Variants in VAMP7 observed in about 807,000 individuals in gnomAD.
VAMP7 encodes vesicle associated membrane protein 7.
In VAMP7, 14 loss-of-function variants were observed where a neutral mutation model predicts 29.6. The ratio of observed to expected loss-of-function variants is 0.47; its 90% CI spans 0.31 to 0.74. The LOEUF (loss-of-function observed/expected upper bound fraction) is 0.74, where lower values mean the gene tolerates loss of function less well. Among genes scored for constraint, VAMP7 ranks in the 30% least tolerant of loss-of-function variants. The pLI, the probability that VAMP7 is intolerant of heterozygous loss-of-function variation, is 0.05. For synonymous variants in VAMP7, 95 were observed against 88.1 expected (o/e 1.08, Z -0.44); for missense variants, 223 against 262.4 (o/e 0.85, Z 1.04).
rs760627627 is a variant in VAMP7, at chrX:155,942,520, G to T, written c.*569G>T. 1.2e-4 allele frequency: 26 copies of T among 224,542 alleles called. No homozygotes were observed. The South Asian group carries it at 2.3e-3, about 19-fold the overall frequency. 13.9% of individuals were successfully genotyped at this position (224,542 alleles called of 1,614,324 possible). A position where few individuals can be genotyped will look rare whatever the true frequency, so the allele number is the denominator to read the frequency against. On this transcript the variant is annotated 3_prime_UTR_variant, in exon 8 of 8. Transcript: ENST00000286448. ...ATTTCAGTTAGATGGGGAACATTTTGCTAGCCCATTAGAAGCACACAGAAT... is the reference window on the plus strand; with the variant it reads ...ATTTCAGTTAGATGGGGAACATTTTTCTAGCCCATTAGAAGCACACAGAAT...
At chrX:155,894,804 C>T (rs1039159618) in intron 2 of VAMP7, among the ~76,000 whole-genome samples, 5 of 151,774 alleles carry the variant, frequency 3.3e-5, no homozygotes, top group South Asian at 2.1e-4. Flanking sequence ...TGTGTACAGA[C>T]GGGGTTTTGC....
chrX:155,930,790 C>T (rs1335925820), intron 6 of VAMP7, among the ~76,000 whole-genome samples: 3 of 151,046 alleles, frequency 2.0e-5, no homozygotes, highest in South Asian at 2.1e-4. Context: ...AAACATGTGC[C>T]GTGTTGGTGT....
intron 5 of VAMP7, 115 bp downstream of exon 5, chrX:155,900,702 A>C: frequency 1.2e-6 from 1 of 850,920 alleles, no homozygotes; most frequent in Non-Finnish European, 1.8e-6. Context: ...TACCATTGGA[A>C]GTTAATTGTC....
At position 155,898,099 on chromosome X, in the gene VAMP7, G is replaced by T; in HGVS notation, c.205-13G>T. ...ACTTTCTAAATGTGAGTTCTGTGTT[G>T]ATCTCTTTTCAGGATTTTGAACGTT... On this transcript the variant is annotated splice_polypyrimidine_tract_variant and intron_variant, in intron 3 of 7. Coordinates refer to ENST00000286448, the MANE Select transcript of VAMP7 (RefSeq NM_005638.6). 1 of 1,611,840 alleles carries T rather than the reference G, an allele frequency of 6.2e-7. No individual in the cohort carries two copies. The highest frequency in any genetic ancestry group is 1.1e-5 in the South Asian group (1 of 90,610).
At chrX:155,913,765 G>A (rs1460066944) in intron 5 of VAMP7, among the ~76,000 whole-genome samples, 1 of 152,078 alleles carries the variant, frequency 6.6e-6, no homozygotes, top group African/African-American at 2.4e-5. Flanking sequence ...ATGCTGTTTT[G>A]GTTACTGTAG....
intron 2 of VAMP7, 94 bp downstream of exon 2, chrX:155,889,706 A>T: frequency 7.3e-7 from 1 of 1,374,324 alleles, no homozygotes. Flanking sequence ...GCTTCTAGGT[A>T]CATAATTTGA....
chrX:155,893,658 G>A (rs2065951600), intron 2 of VAMP7, among the ~76,000 whole-genome samples: 1 of 152,172 alleles, frequency 6.6e-6, no homozygotes, highest in South Asian at 2.1e-4. Flanking sequence ...TTCTCAGGTG[G>A]TGGAAAGAGA....
intron 5 of VAMP7, among the ~76,000 whole-genome samples, chrX:155,915,558 G>A (rs1210520245): frequency 6.6e-6 from 1 of 152,108 alleles, no homozygotes; most frequent in Non-Finnish European, 1.5e-5. Context: ...ATTCTGGTAC[G>A]TTGTGTCTTT....
At position 155,915,298 on chromosome X, in the gene VAMP7, C is replaced by G. The variant is rs145405432; in HGVS notation, c.434-4515C>G. ...CTAGCAGTCTATCAATTTTGTTAAT[C>G]TTTTCAAAAAACCAGCTCCTGGATT... On this transcript the variant is annotated intron_variant, in intron 5 of 7. Transcript: ENST00000286448. Among the ~76,000 whole-genome samples the G allele has an allele frequency of 8.1e-3, 1,233 of 152,064 alleles. 23 individuals are homozygous for G. The highest frequency in any genetic ancestry group is 0.029 in the African/African-American group (1,184 of 41,496).
chrX:155,939,735 C>T lies in VAMP7; in HGVS notation c.536C>T (p.Ala179Val). The T allele has an allele frequency of 6.2e-7, 1 of 1,613,894 alleles. No homozygotes were observed. Among genetic ancestry groups the T allele is most frequent in the Non-Finnish European group, 8.5e-7 (1 of 1,179,834 alleles). ...TTCAAAACTACCAGCAGAAATCTTG[C>T]TCGAGCCATGTGTATGAAGAACCTC... is the stretch of plus-strand genomic sequence containing the variant. ...VTFKTTSRNL[A>V]RAMCMKNLKL... Residue 179 changes from alanine to valine, a missense_variant, in exon 7 of 8, where the codon GCT (alanine) becomes GTT (valine). Physicochemically the swap from Ala to Val is moderately conservative, Grantham distance 64. Transcript: ENST00000286448.
At chrX:155,937,004 G>T (rs1234939983) in intron 6 of VAMP7, among the ~76,000 whole-genome samples, 1 of 152,016 alleles carries the variant, frequency 6.6e-6, no homozygotes, top group African/African-American at 2.4e-5. Context: ...TTTATGGATT[G>T]GAAGAATCAA....
chrX:155,916,988 CA>C (rs1452405637), intron 5 of VAMP7, among the ~76,000 whole-genome samples: 15 of 152,144 alleles, frequency 9.9e-5, no homozygotes, highest in Non-Finnish European at 1.9e-4. Context: ...CACTTTCAAG[CA>C]CACCAATCAA....
At chrX:155,933,002 C>T (rs905543990) in intron 6 of VAMP7, among the ~76,000 whole-genome samples, 23 of 152,210 alleles carry the variant, frequency 1.5e-4, no homozygotes, top group Admixed American at 1.2e-3. Context: ...TGCTGGATTA[C>T]ATTTATTGAT....
At chrX:155,914,611 T>G (rs2066284523) in intron 5 of VAMP7, among the ~76,000 whole-genome samples, 1 of 152,208 alleles carries the variant, frequency 6.6e-6, no homozygotes, top group African/African-American at 2.4e-5. Context: ...CTGCATCTAT[T>G]GAGATAATCA....
At chrX:155,900,452 TA>T (rs1407176953) in intron 4 of VAMP7, 44 bp from the exon 5 acceptor site, 2 of 1,462,702 alleles carry the variant, frequency 1.4e-6, no homozygotes, top group Admixed American at 4.2e-5. Context: ...TTTCCTATTG[TA>T]AATAATGTCT....
chrX:155,897,828 T>G (rs1201966666), intron 3 of VAMP7, among the ~76,000 whole-genome samples: 1 of 152,170 alleles, frequency 6.6e-6, no homozygotes, highest in African/African-American at 2.4e-5. Context: ...CAATTCCTGA[T>G]GTCAAGAAGT....
chrX:155,941,897 CATT>C lies in VAMP7; in HGVS notation c.610_612del (p.Ile204del). ...CGTCCCTCCAGGTGTTCATCTATAT[CATT>C]GTTTCACCTCTCTGTGGTGGATTTA... On this transcript the variant is annotated inframe_deletion, in exon 8 of 8. Coordinates refer to ENST00000286448, the MANE Select transcript of VAMP7 (RefSeq NM_005638.6). The C allele has an allele frequency of 2.5e-6, 4 of 1,613,692 alleles. No homozygotes were observed. The highest frequency in any genetic ancestry group is 3.4e-6 in the Non-Finnish European group (4 of 1,179,764).
At chrX:155,900,367 A>G (rs2066044519) in intron 4 of VAMP7, 130 bp from the exon 5 acceptor site, 2 of 691,638 alleles carry the variant, frequency 2.9e-6, no homozygotes, top group Non-Finnish European at 4.7e-6. Flanking sequence ...GTGAAGTGAC[A>G]TGTATCTTTT....
intron 7 of VAMP7, 109 bp from the exon 8 acceptor site, chrX:155,941,774 T>C: frequency 5.6e-6 from 7 of 1,248,810 alleles, no homozygotes; most frequent in Non-Finnish European, 7.7e-6. Flanking sequence ...TAACTGCTAC[T>C]CTAATGGAAT....
Sources: gnomAD v4.1 joint callset for allele counts (sites outside exome capture counted in the v4.1 genomes callset) on GRCh38, gnomAD v4.1.1 for gene constraint, MANE v1.5 for transcripts, NCBI Gene and HGNC (gene_info 2026-07-23, HGNC 2026-07-21) for gene names.